Variants in RBPJ observed in about 807,000 individuals in gnomAD.
RBPJ encodes the protein recombining binding protein suppressor of hairless.
RBPJ carries 9 observed loss-of-function variants against 67.8 expected under a neutral mutation model. The ratio of observed to expected loss-of-function variants is 0.13; its 90% confidence interval spans 0.08 to 0.23. The LOEUF (loss-of-function observed/expected upper bound fraction) is 0.23, where lower values mean the gene tolerates loss of function less well. Among genes scored for constraint, RBPJ ranks in the 10% least tolerant of loss-of-function variants. The pLI, the probability that RBPJ is intolerant of heterozygous loss-of-function variation, is 1.00. For synonymous variants in RBPJ, 198 were observed against 203.3 expected (o/e 0.97, Z 0.22); for missense variants, 305 against 595.6 (o/e 0.51, Z 5.08).
intron 1 of RBPJ, among the ~76,000 whole-genome samples, chr4:26,176,030 G>C (rs1716784369): frequency 6.6e-6 from 1 of 152,222 alleles, no homozygotes; most frequent in Admixed American, 6.5e-5. Flanking sequence ...CTCAAAAATA[G>C]GGTTGTCAGA....
chr4:26,210,715 CCTTCTTTCTTTCCTTCTTTA>C (rs1475941735), intron 1 of RBPJ, among the ~76,000 whole-genome samples: 4 of 93,242 alleles, frequency 4.3e-5, no homozygotes, highest in Non-Finnish European at 6.6e-5. Flanking sequence ...TTCCTTCTTT[CCTTCTTTCTTTCCTTCTTTA>C]CTTCTTTCCT....
At chr4:26,255,403 C>CA (rs766336628) in intron 1 of RBPJ, among the ~76,000 whole-genome samples, 1,694 of 33,990 alleles carry the variant, frequency 0.05, 184 homozygotes, top group East Asian at 0.32. Context: ...GACTCCGTCT[C>CA]AAAAAAAAAA....
the RBPJ span, among the ~76,000 whole-genome samples, chr4:26,133,572 C>T: frequency 9.9e-5 from 15 of 152,130 alleles, no homozygotes; most frequent in South Asian, 2.1e-4. Context: ...GCAAGCATTA[C>T]CACCTGAGCT....
intron 1 of RBPJ, among the ~76,000 whole-genome samples, chr4:26,257,719 A>G (rs1179367033): frequency 6.6e-6 from 1 of 152,204 alleles, no homozygotes; most frequent in Non-Finnish European, 1.5e-5. Flanking sequence ...CTTCTTTTCC[A>G]TCACCAAAAT....
At chr4:26,194,713 TGTCTCCA>T (rs1332144803) in intron 1 of RBPJ, among the ~76,000 whole-genome samples, 5 of 152,270 alleles carry the variant, frequency 3.3e-5, no homozygotes, top group Admixed American at 6.5e-5. Flanking sequence ...TGGACCCGTG[TGTCTCCA>T]CTAGACCATG....
At chr4:26,127,343 A>G in the RBPJ span, among the ~76,000 whole-genome samples, 1 of 152,180 alleles carries the variant, frequency 6.6e-6, no homozygotes, top group Non-Finnish European at 1.5e-5. Flanking sequence ...TGAGAATCTG[A>G]TCTGACCTAG....
At chr4:26,250,462 G>A (rs934887167) in intron 1 of RBPJ, among the ~76,000 whole-genome samples, 1 of 151,038 alleles carries the variant, frequency 6.6e-6, no homozygotes, top group African/African-American at 2.4e-5. Flanking sequence ...CTCCCAAGTA[G>A]CAGGGATTAC....
intron 1 of RBPJ, among the ~76,000 whole-genome samples, chr4:26,305,771 C>CTTTTTATTTTTTTTTTTTTTTTTTTTT (rs1722213888): frequency 1.5e-5 from 1 of 67,758 alleles, no homozygotes; most frequent in Non-Finnish European, 2.5e-5. Context: ...ATTTTCTTTT[C>CTTTTTATTTTTTTTTTTTTTTTTTTTT]TTTTTTTTTT....
At chr4:26,201,504 C>T (rs1408942532) in intron 1 of RBPJ, among the ~76,000 whole-genome samples, 1 of 152,110 alleles carries the variant, frequency 6.6e-6, no homozygotes, top group Admixed American at 6.6e-5. Context: ...ACCAGGTGGA[C>T]TTTATCCTCA....
At chr4:26,167,926 T>G (rs1337882160) in intron 1 of RBPJ, among the ~76,000 whole-genome samples, 1 of 152,046 alleles carries the variant, frequency 6.6e-6, no homozygotes, top group Non-Finnish European at 1.5e-5. Context: ...ATTTGCTTGG[T>G]AGATCTTCCT....
chr4:26,251,537 A>G (rs1720108303), intron 1 of RBPJ, among the ~76,000 whole-genome samples: 1 of 151,724 alleles, frequency 6.6e-6, no homozygotes, highest in African/African-American at 2.4e-5. Context: ...TCAGGAGGCT[A>G]AGGCATGAGA....
At chr4:26,380,049 G>A (rs910375582) in intron 1 of RBPJ, among the ~76,000 whole-genome samples, 2 of 152,152 alleles carry the variant, frequency 1.3e-5, no homozygotes, top group African/African-American at 4.8e-5. Flanking sequence ...GAGCAGGTTC[G>A]AAACTAGAAA....
chr4:26,316,524 T>TATATTC (rs1722633609), upstream of RBPJ, among the ~76,000 whole-genome samples: 3 of 100,840 alleles, frequency 3.0e-5, no homozygotes, highest in African/African-American at 1.0e-4. Context: ...TATATTCATA[T>TATATTC]ATATATTCAT....
chr4:26,123,055 C>T, the RBPJ span, among the ~76,000 whole-genome samples: 2 of 152,204 alleles, frequency 1.3e-5, no homozygotes, highest in East Asian at 1.9e-4. Context: ...TGCTTAGTAA[C>T]GGGTTTATGT....
intron 1 of RBPJ, among the ~76,000 whole-genome samples, chr4:26,375,894 C>T (rs1237383643): frequency 6.6e-6 from 1 of 152,144 alleles, no homozygotes; most frequent in Non-Finnish European, 1.5e-5. Context: ...TGTATCCTTA[C>T]CTTGATGGTA....
intron 1 of RBPJ, among the ~76,000 whole-genome samples, chr4:26,234,590 T>C (rs1204313907): frequency 6.6e-6 from 1 of 152,196 alleles, no homozygotes; most frequent in Non-Finnish European, 1.5e-5. Context: ...ACCAGTCTAC[T>C]CCACAAACCC....
At chr4:26,328,801 A>G (rs1045295438) in intron 1 of RBPJ, among the ~76,000 whole-genome samples, 1 of 152,126 alleles carries the variant, frequency 6.6e-6, no homozygotes, top group Non-Finnish European at 1.5e-5. Context: ...GGTGTGCGCC[A>G]GCAACCCCAG....
At chr4:26,260,371 T>C (rs896357681) in intron 1 of RBPJ, among the ~76,000 whole-genome samples, 3 of 152,236 alleles carry the variant, frequency 2.0e-5, no homozygotes, top group African/African-American at 7.2e-5. Flanking sequence ...AACTATTCTT[T>C]CATTGTAGAT....
At chr4:26,280,070 A>G (rs1209816470) in intron 1 of RBPJ, among the ~76,000 whole-genome samples, 1 of 150,108 alleles carries the variant, frequency 6.7e-6, no homozygotes, top group African/African-American at 2.4e-5. Context: ...TACAGGCATG[A>G]GCCACCGTGC....
Sources: gnomAD v4.1 joint callset for allele counts (sites outside exome capture counted in the v4.1 genomes callset) on GRCh38, gnomAD v4.1.1 for gene constraint, MANE v1.5 for transcripts, NCBI Gene and HGNC (gene_info 2026-07-23, HGNC 2026-07-21) for gene names.